The following FUT8 variants were observed in gnomAD, a reference collection of about 807,000 sequenced individuals.
FUT8 encodes the protein alpha-(1,6)-fucosyltransferase.
FUT8 carries 29 observed loss-of-function variants against 71.3 expected under a neutral mutation model. The observed-to-expected ratio is 0.41, with a 90% CI of 0.30 to 0.55. The LOEUF (loss-of-function observed/expected upper bound fraction) is 0.55, where lower values mean the gene tolerates loss of function less well. FUT8 is among the 20% of genes least tolerant of loss of function. FUT8 has a pLI of 0.34. For missense variants in FUT8, 544 were observed against 702.1 expected (o/e 0.77, Z 2.55); for synonymous variants, 254 against 239.3 (o/e 1.06, Z -0.57).
At chr14:65,401,450 GAA>G in the FUT8 span, among the ~76,000 whole-genome samples, 1 of 152,302 alleles carries the variant, frequency 6.6e-6, no homozygotes, top group East Asian at 1.9e-4. Flanking sequence ...TGGCTTGGAA[GAA>G]AGAGATATGC....
chr14:65,447,879 G>A (rs903169300), intron 1 of FUT8, among the ~76,000 whole-genome samples: 4 of 152,062 alleles, frequency 2.6e-5, no homozygotes, highest in Non-Finnish European at 5.9e-5. Flanking sequence ...AAACCTCTTC[G>A]TTTCTGTTTC....
intron 2 of FUT8, among the ~76,000 whole-genome samples, chr14:65,494,756 T>C (rs1566783695): frequency 1.3e-5 from 2 of 152,042 alleles, no homozygotes; most frequent in African/African-American, 4.8e-5. Flanking sequence ...GGAATGAAAC[T>C]ATAAACATAT....
At chr14:65,534,565 T>G (rs1416483707) in intron 2 of FUT8, among the ~76,000 whole-genome samples, 5 of 150,094 alleles carry the variant, frequency 3.3e-5, no homozygotes, top group Admixed American at 3.3e-4. Flanking sequence ...TTTTTTTTTT[T>G]GGTTGGTAGG....
the FUT8 span, among the ~76,000 whole-genome samples, chr14:65,389,646 G>T: frequency 1.3e-5 from 2 of 151,724 alleles, no homozygotes; most frequent in Non-Finnish European, 2.9e-5. Flanking sequence ...TAGAGGTGGG[G>T]TTTTTGCCTT....
At chr14:65,658,164 G>A (rs994488069) in intron 6 of FUT8, among the ~76,000 whole-genome samples, 9 of 151,966 alleles carry the variant, frequency 5.9e-5, no homozygotes, top group African/African-American at 1.5e-4. Flanking sequence ...TTGTACAGAC[G>A]GCTATGCAAA....
At position 65,627,408 on chromosome 14, in the gene FUT8, T is replaced by C. The variant is rs1203682768; in HGVS notation, c.483-2084T>C. ...GGCATGAGAGTTTATTAAAATGTTT[T>C]AGAGCAGGAATGAAAGGAAGTAAAG... On this transcript the variant is annotated intron_variant, in intron 5 of 10. Transcript: ENST00000673929. The surrounding 1 kb of genome is among the most constrained non-coding windows in gnomAD (Gnocchi z 4.0). Among the ~76,000 whole-genome samples, 2 of 152,184 alleles carry C rather than the reference T, an allele frequency of 1.3e-5. No homozygotes were observed. The highest frequency in any genetic ancestry group is 2.9e-5 in the Non-Finnish European group (2 of 68,020).
At chr14:65,358,862 C>A in the FUT8 span, among the ~76,000 whole-genome samples, 1 of 152,074 alleles carries the variant, frequency 6.6e-6, no homozygotes, top group East Asian at 1.9e-4. Context: ...TATATTTTCC[C>A]CTTAATAATT....
intron 10 of FUT8, among the ~76,000 whole-genome samples, chr14:65,738,427 T>G (rs1896332086): frequency 6.6e-6 from 1 of 152,126 alleles, no homozygotes; most frequent in Non-Finnish European, 1.5e-5. Flanking sequence ...TTTAAAATTT[T>G]TTTTAATACA....
intron 2 of FUT8, among the ~76,000 whole-genome samples, chr14:65,461,046 G>A (rs1228204779): frequency 6.6e-6 from 1 of 152,178 alleles, no homozygotes; most frequent in African/African-American, 2.4e-5. Flanking sequence ...ACAAAGCACT[G>A]TAAACTGGGT....
intron 1 of FUT8, among the ~76,000 whole-genome samples, chr14:65,415,374 C>T (rs964045778): frequency 6.6e-6 from 1 of 152,114 alleles, no homozygotes; most frequent in East Asian, 1.9e-4. Context: ...TTAAAAAAGT[C>T]TTTTCATGCG....
intron 3 of FUT8, among the ~76,000 whole-genome samples, chr14:65,569,400 G>T (rs545648621): frequency 7.9e-5 from 12 of 151,532 alleles, no homozygotes; most frequent in African/African-American, 2.9e-4. Context: ...TGTCTTTCAT[G>T]ATCTAATTTC....
chr14:65,590,195 T>C (rs1308033588), intron 3 of FUT8, among the ~76,000 whole-genome samples: 4 of 152,214 alleles, frequency 2.6e-5, no homozygotes, highest in African/African-American at 9.6e-5. Context: ...AAAATAAGAA[T>C]CATTTGATGA....
intron 3 of FUT8, among the ~76,000 whole-genome samples, chr14:65,566,219 G>A (rs1886186854): frequency 6.6e-6 from 1 of 151,936 alleles, no homozygotes; most frequent in South Asian, 2.1e-4. Context: ...TTACATGGTA[G>A]TGTTCCAAGA....
chr14:65,530,341 T>C (rs1037742152), intron 2 of FUT8, among the ~76,000 whole-genome samples: 1 of 152,224 alleles, frequency 6.6e-6, no homozygotes, highest in African/African-American at 2.4e-5. Flanking sequence ...TTTGAGCTGA[T>C]TTTCAATGTC....
At chr14:65,726,318 G>C (rs1301078196) in intron 9 of FUT8, among the ~76,000 whole-genome samples, 3 of 152,084 alleles carry the variant, frequency 2.0e-5, no homozygotes, top group African/African-American at 7.2e-5. Flanking sequence ...TATGCAAGTT[G>C]GTAAATACCC....
At chr14:65,388,479 C>T in the FUT8 span, among the ~76,000 whole-genome samples, 2 of 151,910 alleles carry the variant, frequency 1.3e-5, no homozygotes, top group Non-Finnish European at 2.9e-5. Flanking sequence ...TTATCAATAT[C>T]GGCCGGGCAT....
At chr14:65,666,510 T>C (rs1357444436) in intron 6 of FUT8, among the ~76,000 whole-genome samples, 3 of 152,116 alleles carry the variant, frequency 2.0e-5, no homozygotes, top group African/African-American at 7.2e-5. Flanking sequence ...AACAGACCAA[T>C]AACAAGTTCT....
At chr14:65,382,007 A>G in the FUT8 span, among the ~76,000 whole-genome samples, 1 of 152,162 alleles carries the variant, frequency 6.6e-6, no homozygotes, top group Non-Finnish European at 1.5e-5. Flanking sequence ...AAGTACTAAA[A>G]CTGTGTTCCC....
chr14:65,565,200 C>T (rs1341450492), intron 3 of FUT8, among the ~76,000 whole-genome samples: 3 of 151,902 alleles, frequency 2.0e-5, no homozygotes, highest in Non-Finnish European at 4.4e-5. Flanking sequence ...ATTCCATTCC[C>T]ATGAGAAGGA....
Sources: gnomAD v4.1 joint callset for allele counts (sites outside exome capture counted in the v4.1 genomes callset) on GRCh38, gnomAD v4.1.1 for gene constraint, Gnocchi (gnomAD v3.1) non-coding constraint, MANE v1.5 for transcripts, NCBI Gene and HGNC (gene_info 2026-07-23, HGNC 2026-07-21) for gene names.